ZNF831: variants seen among roughly 807,000 people sequenced by gnomAD.
ZNF831 encodes the protein chromosome 20 open reading frame 174.
ZNF831 carries 59 observed loss-of-function variants against 95.8 expected under a neutral mutation model. That is an observed-to-expected ratio of 0.62 (90% CI 0.50 to 0.77). ZNF831 has a LOEUF of 0.77. Among genes scored for constraint, ZNF831 ranks in the 30% least tolerant of loss-of-function variants. ZNF831 has a pLI of 0.00. For synonymous variants in ZNF831, 961 were observed against 925.5 expected, an observed-to-expected ratio of 1.04 and a Z score of -0.70; for missense variants, 2,205 against 2,164.0, an observed-to-expected ratio of 1.02 and a Z score of -0.38.
chr20:59,200,204 G>A (rs1380034497), intron 3 of ZNF831, among the ~76,000 whole-genome samples: 1 of 152,080 alleles, frequency 6.6e-6, no homozygotes, highest in Non-Finnish European at 1.5e-5. Context: ...GTTCCATTAG[G>A]AATCCACAGG....
At chr20:59,170,949 C>T (rs1484687934) in intron 1 of ZNF831, among the ~76,000 whole-genome samples, 1 of 152,166 alleles carries the variant, frequency 6.6e-6, no homozygotes, top group South Asian at 2.1e-4. Context: ...GAGTCTGGCA[C>T]TAGTGGGACA....
At chr20:59,238,937 G>T (rs1471390786) in intron 4 of ZNF831, among the ~76,000 whole-genome samples, 1 of 152,186 alleles carries the variant, frequency 6.6e-6, no homozygotes, top group Non-Finnish European at 1.5e-5. Context: ...AAGGAAAATG[G>T]TAGCTGTGTT....
chr20:59,158,896 C>A (rs979560102), upstream of ZNF831, among the ~76,000 whole-genome samples: 1 of 152,108 alleles, frequency 6.6e-6, no homozygotes, highest in African/African-American at 2.4e-5. Context: ...GACTAAGAAA[C>A]GCAGGTGGGT....
chr20:59,206,533 A>G (rs935943241), intron 3 of ZNF831, among the ~76,000 whole-genome samples: 5 of 152,236 alleles, frequency 3.3e-5, no homozygotes, highest in Non-Finnish European at 5.9e-5. Context: ...GTATTTGTCA[A>G]TGCAGATTAC....
At chr20:59,155,733 ACTGTTGG>A (rs1980501097) in intron 2 of ZNF831, among the ~76,000 whole-genome samples, 2 of 152,204 alleles carry the variant, frequency 1.3e-5, no homozygotes, top group Non-Finnish European at 2.9e-5. Context: ...TCCCTGAAGC[ACTGTTGG>A]CTCTAAAATT....
chr20:59,184,403 CT>C (rs68033381), intron 1 of ZNF831, among the ~76,000 whole-genome samples: 9,123 of 151,698 alleles, frequency 0.06, 821 homozygotes, highest in African/African-American at 0.19. Context: ...CTCTTCCTCC[CT>C]CCCCCCTTTT....
At chr20:59,206,262 A>G (rs1170007493) in intron 3 of ZNF831, among the ~76,000 whole-genome samples, 3 of 152,078 alleles carry the variant, frequency 2.0e-5, no homozygotes, top group African/African-American at 7.3e-5. Flanking sequence ...CCCTCATCAC[A>G]TCCCTCTGAG....
At chr20:59,173,170 C>T (rs1488599633) in intron 1 of ZNF831, among the ~76,000 whole-genome samples, 5 of 152,186 alleles carry the variant, frequency 3.3e-5, no homozygotes, top group African/African-American at 4.8e-5. Context: ...TCAATGTTGT[C>T]AGTTTCTCTA....
At chr20:59,185,966 G>T (rs529368930) in intron 1 of ZNF831, among the ~76,000 whole-genome samples, 2 of 152,334 alleles carry the variant, frequency 1.3e-5, no homozygotes, top group South Asian at 2.1e-4. Flanking sequence ...AGAGCCAACT[G>T]CAGGCAGTGC....
At chr20:59,145,989 C>T (rs1979840005) in intron 1 of ZNF831, among the ~76,000 whole-genome samples, 2 of 152,118 alleles carry the variant, frequency 1.3e-5, no homozygotes, top group African/African-American at 4.8e-5. Context: ...TATCTGTTTG[C>T]AAATGTTCAG....
Position 59,195,906 on chromosome 20 carries a change from A to C in ZNF831, c.3776A>C (p.His1259Pro), listed in dbSNP as rs2146608591. 2 of 1,614,086 alleles carry C rather than the reference A, an allele frequency of 1.2e-6. No individual in the cohort carries two copies. The highest frequency in any genetic ancestry group is 4.5e-5 in the East Asian group (2 of 44,888). ...YPTVPGVMPQ[H>P]QVSEPEWKKG... The stretch of plus-strand genomic sequence containing the variant: ...ACAGTCCCAGGGGTGATGCCCCAGC[A>C]CCAGGTGTCTGAGCCAGAATGGAAG... Residue 1259 changes from histidine to proline, a missense_variant, in exon 3 of 6, where the codon CAC becomes CCC. By Grantham distance (77) the His-to-Pro change is moderately conservative. Coordinates refer to ENST00000371030, the MANE Select transcript of ZNF831 (RefSeq NM_178457.3).
At chr20:59,150,564 G>A (rs541187547) in intron 2 of ZNF831, among the ~76,000 whole-genome samples, 4 of 152,288 alleles carry the variant, frequency 2.6e-5, no homozygotes, top group Admixed American at 1.3e-4. Flanking sequence ...AGTAACCATA[G>A]CATAGGGGAC....
At chr20:59,245,775 C>G (rs548777039) in intron 4 of ZNF831, among the ~76,000 whole-genome samples, 3 of 152,192 alleles carry the variant, frequency 2.0e-5, no homozygotes, top group Non-Finnish European at 2.9e-5. Flanking sequence ...ATTCTGTACA[C>G]GACCAAGCTT....
At chr20:59,123,609 G>A (rs1292593351) in intron 1 of ZNF831, 2 of 152,548 alleles carry the variant, frequency 1.3e-5, no homozygotes, top group African/African-American at 2.4e-5. Flanking sequence ...ATGGGGAAAG[G>A]TAGGGGTGTA....
intron 4 of ZNF831, among the ~76,000 whole-genome samples, chr20:59,245,462 T>C (rs1350764591): frequency 6.6e-6 from 1 of 152,166 alleles, no homozygotes; most frequent in Non-Finnish European, 1.5e-5. Context: ...GAGTTTGTGA[T>C]CTTTGGTTTA....
intron 4 of ZNF831, among the ~76,000 whole-genome samples, chr20:59,231,844 G>A (rs1986741495): frequency 6.6e-6 from 1 of 152,192 alleles, no homozygotes; most frequent in Non-Finnish European, 1.5e-5. Flanking sequence ...GTCAGTTATG[G>A]CTGCTTTTCC....
chr20:59,170,099 T>G (rs924822114), intron 1 of ZNF831, among the ~76,000 whole-genome samples: 1 of 152,100 alleles, frequency 6.6e-6, no homozygotes, highest in African/African-American at 2.4e-5. Flanking sequence ...TTTGAAACCC[T>G]CCCTCTTTTT....
At chr20:59,250,674 C>T (rs1987839152) in intron 4 of ZNF831, among the ~76,000 whole-genome samples, 2 of 152,008 alleles carry the variant, frequency 1.3e-5, no homozygotes, top group South Asian at 2.1e-4. Flanking sequence ...ATTAACATTG[C>T]CGGGGGTAAA....
intron 1 of ZNF831, among the ~76,000 whole-genome samples, chr20:59,137,805 G>T (rs1979557642): frequency 6.6e-6 from 1 of 152,070 alleles, no homozygotes; most frequent in African/African-American, 2.4e-5. Context: ...TCTAAGATAG[G>T]CCTACTCTGA....
Sources: gnomAD v4.1 joint callset for allele counts (sites outside exome capture counted in the v4.1 genomes callset) on GRCh38, gnomAD v4.1.1 for gene constraint, MANE v1.5 for transcripts, NCBI Gene and HGNC (gene_info 2026-07-23, HGNC 2026-07-21) for gene names.